PXDNL: variants seen among roughly 807,000 people sequenced by gnomAD.
PXDNL encodes peroxidasin like.
PXDNL carries 145 observed loss-of-function variants against 150.8 expected under a neutral mutation model. That is an observed-to-expected ratio of 0.96 (90% CI 0.84 to 1.10). The LOEUF is 1.10. PXDNL is among the 50% of genes least tolerant of loss of function. The probability of loss-of-function intolerance (pLI) is 0.00; values close to 1 mark genes in which losing one functional copy is unlikely to be tolerated. For synonymous variants in PXDNL, 757 were observed against 725.7 expected, an observed-to-expected ratio of 1.04 and a Z score of -0.69; for missense variants, 2,087 against 1,873.9, an observed-to-expected ratio of 1.11 and a Z score of -2.10.
intron 17 of PXDNL, among the ~76,000 whole-genome samples, chr8:51,385,560 T>C (rs1256262402): frequency 6.6e-6 from 1 of 152,134 alleles, no homozygotes; most frequent in Non-Finnish European, 1.5e-5. Flanking sequence ...AACGACTAAT[T>C]AACAGCCCCT....
chr8:51,519,438 C>A (rs1442443150), intron 4 of PXDNL, among the ~76,000 whole-genome samples: 2 of 151,900 alleles, frequency 1.3e-5, no homozygotes, highest in Non-Finnish European at 2.9e-5. Flanking sequence ...GAGACTGAGA[C>A]AGGAGAATTG....
chr8:51,592,798 A>C, intron 2 of PXDNL, 100 bp from the exon 3 acceptor site: 2 of 716,250 alleles, frequency 2.8e-6, no homozygotes, highest in Non-Finnish European at 4.2e-6. Context: ...CAACAGAAAA[A>C]TATTTACTGA....
chr8:51,371,709 G>T (rs754612714), intron 19 of PXDNL, among the ~76,000 whole-genome samples, 164 bp downstream of exon 19: 56 of 152,260 alleles, frequency 3.7e-4, no homozygotes, highest in Non-Finnish European at 6.0e-4. Context: ...CCTTTTTCCT[G>T]GTGTCCACCC....
At position 51,681,136 on chromosome 8, in the gene PXDNL, C is replaced by T. The variant is rs557957297; in HGVS notation, c.165-26376G>A. 2.8e-4 allele frequency among the ~76,000 whole-genome samples: 43 copies of T among 152,218 alleles called. 1 individual carries two copies. The South Asian group carries it at 8.9e-3, about 32-fold the overall frequency. ...TGGACCTGAGCATGCATGGAGCTGA[C>T]CCATTCAATGGACCAAACTCTTTGT... On this transcript the variant is annotated intron_variant, in intron 1 of 22. Coordinates refer to ENST00000356297, the MANE Select transcript of PXDNL (RefSeq NM_144651.5).
At chr8:51,557,169 C>T (rs984315618) in intron 3 of PXDNL, among the ~76,000 whole-genome samples, 1 of 152,214 alleles carries the variant, frequency 6.6e-6, no homozygotes, top group Non-Finnish European at 1.5e-5. Context: ...GAAATTCTGA[C>T]TAATGGAGTC....
At chr8:51,510,550 G>A (rs77761854) in intron 4 of PXDNL, among the ~76,000 whole-genome samples, 9,940 of 152,230 alleles carry the variant, frequency 0.065, 408 homozygotes, top group South Asian at 0.11. Flanking sequence ...AGCATACAAG[G>A]GAAAGGAACT....
chr8:51,770,815 C>T (rs144264578), intron 1 of PXDNL, among the ~76,000 whole-genome samples: 6 of 152,234 alleles, frequency 3.9e-5, no homozygotes, highest in East Asian at 1.9e-4. Flanking sequence ...GTGTGGTGCC[C>T]GCTCTCAATG....
At chr8:51,594,677 A>C (rs72638054) in intron 2 of PXDNL, among the ~76,000 whole-genome samples, 4,718 of 152,252 alleles carry the variant, frequency 0.031, 106 homozygotes, top group Non-Finnish European at 0.048. Flanking sequence ...TTCACAGTTG[A>C]ATGTATTTTC....
intron 3 of PXDNL, among the ~76,000 whole-genome samples, chr8:51,590,725 G>GT (rs138678908): frequency 0.21 from 31,651 of 151,174 alleles, 3,555 homozygotes; most frequent in African/African-American, 0.28. Flanking sequence ...TAGATATCTT[G>GT]TTTTTTTTTA....
intron 2 of PXDNL, among the ~76,000 whole-genome samples, chr8:51,604,299 C>T (rs997453351): frequency 2.6e-5 from 4 of 152,140 alleles, no homozygotes; most frequent in African/African-American, 9.7e-5. Context: ...CACATGTACA[C>T]CATGGAATAC....
chr8:51,763,547 C>T (rs1338230819), intron 1 of PXDNL, among the ~76,000 whole-genome samples: 1 of 152,090 alleles, frequency 6.6e-6, no homozygotes, highest in Non-Finnish European at 1.5e-5. Flanking sequence ...ATATAGCACC[C>T]TAAGTCAAAG....
chr8:51,339,745 T>G lies in PXDNL; in HGVS notation c.4025A>C (p.Asp1342Ala), dbSNP rs141860007. The G allele has an allele frequency of 1.5e-3, 2,363 of 1,595,844 alleles. 27 individuals are homozygous for G. The African/African-American group carries it at 0.027, about 19-fold the overall frequency. ...ELSHLRSRQQDKIYVGEDARN... is the reference protein window; with the variant it reads ...ELSHLRSRQQAKIYVGEDARN... ...AGCATCTTCACCCACATATATTTTA[T>G]CTTGTTGCCTATTTATAACAAGAAG... Residue 1342 changes from aspartate to alanine, a missense_variant, in exon 21 of 23, where the codon GAT (aspartate) becomes GCT (alanine). Physicochemically the swap from Asp to Ala is moderately radical, Grantham distance 126. Transcript: ENST00000356297.
intron 3 of PXDNL, among the ~76,000 whole-genome samples, chr8:51,570,324 A>C (rs1026166561): frequency 6.6e-6 from 1 of 151,886 alleles, no homozygotes; most frequent in African/African-American, 2.4e-5. Flanking sequence ...AGAGATGCAG[A>C]TGAACTAGGC....
At position 51,497,992 on chromosome 8, in the gene PXDNL, T is replaced by G. The variant is rs546261987; in HGVS notation, c.452+1707A>C. Among the ~76,000 whole-genome samples, 15 of 152,280 alleles carry G rather than the reference T, an allele frequency of 9.9e-5. No individual in the cohort carries two copies. In the East Asian group the frequency reaches 2.3e-3, roughly 23 times the overall value. ...AAGACACATGCACATGTATGTTTAT[T>G]GTGGCACTATTCACAATAGCAAAGA... On this transcript the variant is annotated intron_variant, in intron 5 of 22. Transcript: ENST00000356297.
intron 1 of PXDNL, among the ~76,000 whole-genome samples, chr8:51,717,715 A>G (rs1421346129): frequency 1.3e-5 from 2 of 152,232 alleles, no homozygotes; most frequent in East Asian, 3.9e-4. Flanking sequence ...AATAGTGCCC[A>G]TGAGTGGGGC....
At chr8:51,600,556 A>C (rs1023032915) in intron 2 of PXDNL, among the ~76,000 whole-genome samples, 1 of 134,052 alleles carries the variant, frequency 7.5e-6, no homozygotes, top group African/African-American at 2.8e-5. Flanking sequence ...TATCTTATAT[A>C]AATTATATCG....
Position 51,776,010 on chromosome 8 carries a change from G to A in PXDNL, c.164+33171C>T, listed in dbSNP as rs578216486. 7.2e-5 allele frequency among the ~76,000 whole-genome samples: 11 copies of A among 152,298 alleles called. No individual in the cohort carries two copies. In the South Asian group the frequency reaches 2.3e-3, roughly 32 times the overall value. ...GGAGGTCTCTAAAATGGCCACTTTA[G>A]GAACGGCTGTCTTTTACAGTTGTGT... is the stretch of plus-strand genomic sequence containing the variant. On this transcript the variant is annotated intron_variant, in intron 1 of 22. Transcript: ENST00000356297.
chr8:51,601,059 C>A (rs1229305748), intron 2 of PXDNL, among the ~76,000 whole-genome samples: 2 of 146,560 alleles, frequency 1.4e-5, no homozygotes, highest in African/African-American at 5.0e-5. Context: ...TATATTATAT[C>A]TTATATCAAG....
chr8:51,611,865 G>C (rs1231633876), intron 2 of PXDNL, among the ~76,000 whole-genome samples: 5 of 152,228 alleles, frequency 3.3e-5, no homozygotes, highest in Non-Finnish European at 7.3e-5. Flanking sequence ...CTGCGGAGTA[G>C]GAGGAGCGAG....
Sources: allele counts gnomAD v4.1 joint callset (sites outside exome capture counted in the v4.1 genomes callset), GRCh38; gene constraint gnomAD v4.1.1; transcripts MANE v1.5; gene names NCBI Gene and HGNC (gene_info 2026-07-23, HGNC 2026-07-21).